The following SNX13 variants were observed in gnomAD, a reference collection of about 807,000 sequenced individuals.
SNX13 encodes sorting nexin-13.
SNX13 carries 45 observed loss-of-function variants against 133.6 expected under a neutral mutation model. The ratio of observed to expected loss-of-function variants is 0.34; its 90% CI spans 0.27 to 0.43. The LOEUF (loss-of-function observed/expected upper bound fraction) is 0.43, where lower values mean the gene tolerates loss of function less well. Ranked by LOEUF, SNX13 falls within the 20% of genes least tolerant of loss-of-function variation. SNX13 has a pLI of 1.00. For synonymous variants in SNX13, 414 were observed against 373.9 expected (o/e 1.11, Z -1.24); for missense variants, 1,032 against 1,145.1 (o/e 0.90, Z 1.43).
At chr7:17,903,592 G>A (rs547471501) in intron 1 of SNX13, among the ~76,000 whole-genome samples, 1 of 152,112 alleles carries the variant, frequency 6.6e-6, no homozygotes, top group Admixed American at 6.5e-5. Flanking sequence ...ACAGTCCAAG[G>A]TCAATTTTGG....
At chr7:17,839,601 T>G (rs1789621684) in intron 13 of SNX13, among the ~76,000 whole-genome samples, 1 of 152,040 alleles carries the variant, frequency 6.6e-6, no homozygotes, top group Non-Finnish European at 1.5e-5. Flanking sequence ...TTCTATCATT[T>G]AGTATTTGCA....
intron 1 of SNX13, among the ~76,000 whole-genome samples, chr7:17,912,340 T>A (rs1449275914): frequency 6.6e-6 from 1 of 151,970 alleles, no homozygotes; most frequent in Non-Finnish European, 1.5e-5. Flanking sequence ...GGGAAAAGGC[T>A]GAGAGACTGA....
At chr7:17,834,890 G>C (rs201145382) in intron 13 of SNX13, 25 bp from the exon 14 acceptor site, 2 of 1,337,836 alleles carry the variant, frequency 1.5e-6, no homozygotes, top group Non-Finnish European at 1.1e-6. Context: ...TAATAGTAAT[G>C]ATCTCTGTAA....
At chr7:17,921,576 C>T (rs939851451) in intron 1 of SNX13, among the ~76,000 whole-genome samples, 10 of 152,310 alleles carry the variant, frequency 6.6e-5, no homozygotes, top group African/African-American at 1.4e-4. Context: ...TGTAGGGTCA[C>T]GATCAAAACC....
chr7:17,937,450 G>C (rs758314585), intron 1 of SNX13, among the ~76,000 whole-genome samples: 3 of 149,446 alleles, frequency 2.0e-5, no homozygotes, highest in Non-Finnish European at 4.4e-5. Flanking sequence ...GAAGGCGGAG[G>C]TTGCAGTGAG....
At chr7:17,907,160 G>A (rs944189150) in intron 1 of SNX13, 2 of 152,130 alleles carry the variant, frequency 1.3e-5, no homozygotes, top group African/African-American at 2.4e-5. Flanking sequence ...AGCAAACAAG[G>A]AGCCAAAGGT....
chr7:17,913,041 C>T (rs1183619844), intron 1 of SNX13, among the ~76,000 whole-genome samples: 1 of 152,150 alleles, frequency 6.6e-6, no homozygotes, highest in African/African-American at 2.4e-5. Context: ...CCCCAGTCTG[C>T]TTTCATGGAC....
At chr7:17,833,617 A>G (rs1046695953) in intron 15 of SNX13, among the ~76,000 whole-genome samples, 2 of 151,834 alleles carry the variant, frequency 1.3e-5, no homozygotes, top group African/African-American at 4.8e-5. Flanking sequence ...ACTGTGTAGA[A>G]TTTGGAAAAG....
intron 1 of SNX13, among the ~76,000 whole-genome samples, chr7:17,916,401 G>A (rs1799570887): frequency 6.6e-6 from 1 of 152,102 alleles, no homozygotes; most frequent in Non-Finnish European, 1.5e-5. Context: ...AAATAAGACT[G>A]ACGGATCATT....
intron 1 of SNX13, among the ~76,000 whole-genome samples, chr7:17,937,927 T>C (rs1802298472): frequency 6.6e-6 from 1 of 152,178 alleles, no homozygotes; most frequent in Non-Finnish European, 1.5e-5. Flanking sequence ...ATGACTAATA[T>C]AAAGACAGGA....
At chr7:17,819,440 T>C (rs999121004) in intron 18 of SNX13, among the ~76,000 whole-genome samples, 2 of 152,116 alleles carry the variant, frequency 1.3e-5, no homozygotes, top group African/African-American at 2.4e-5. Context: ...TTGCCCAGGC[T>C]GGTCTCAAAC....
At chr7:17,873,688 T>C in intron 7 of SNX13, 72 bp from the exon 8 acceptor site, 1 of 923,248 alleles carries the variant, frequency 1.1e-6, no homozygotes, top group Non-Finnish European at 1.5e-6. Context: ...ATATATAAGA[T>C]ACATTTAAAA....
At chr7:17,914,622 C>G (rs1799343340) in intron 1 of SNX13, among the ~76,000 whole-genome samples, 1 of 152,178 alleles carries the variant, frequency 6.6e-6, no homozygotes, top group African/African-American at 2.4e-5. Flanking sequence ...TCATATCCCA[C>G]CAAACTAAGC....
chr7:17,906,621 A>G (rs1402613294), intron 1 of SNX13, among the ~76,000 whole-genome samples: 2 of 152,156 alleles, frequency 1.3e-5, no homozygotes, highest in Non-Finnish European at 2.9e-5. Context: ...GGTTAGAGCA[A>G]GAATCAATGA....
intron 5 of SNX13, among the ~76,000 whole-genome samples, chr7:17,887,217 C>T (rs1007126618): frequency 7.9e-5 from 12 of 152,138 alleles, no homozygotes; most frequent in African/African-American, 2.4e-4. Flanking sequence ...ACAAGAATTA[C>T]TATTACTATT....
chr7:17,866,190 A>T (rs574014174), intron 9 of SNX13, among the ~76,000 whole-genome samples: 1 of 152,286 alleles, frequency 6.6e-6, no homozygotes, highest in Non-Finnish European at 1.5e-5. Flanking sequence ...AATGATCAAC[A>T]AAGGCAAGAG....
At chr7:17,805,049 GACGGA>G (rs2128289661) in intron 20 of SNX13, among the ~76,000 whole-genome samples, 2 of 152,298 alleles carry the variant, frequency 1.3e-5, no homozygotes, top group East Asian at 3.9e-4. Flanking sequence ...AGATATGCTT[GACGGA>G]ACATCCAACC....
intron 17 of SNX13, among the ~76,000 whole-genome samples, chr7:17,824,678 G>T (rs1407811401): frequency 1.3e-5 from 2 of 151,794 alleles, no homozygotes; most frequent in East Asian, 3.9e-4. Context: ...CAGAGCTGGG[G>T]TTTGAGCCCA....
chr7:17,828,193 A>G (rs1466812612), intron 16 of SNX13, among the ~76,000 whole-genome samples: 3 of 151,790 alleles, frequency 2.0e-5, no homozygotes, highest in African/African-American at 4.8e-5. Flanking sequence ...TTACAGTTAT[A>G]GTGCACGTAA....
Sources: gnomAD v4.1 joint callset for allele counts (sites outside exome capture counted in the v4.1 genomes callset) on GRCh38, gnomAD v4.1.1 for gene constraint, MANE v1.5 for transcripts, NCBI Gene and HGNC (gene_info 2026-07-23, HGNC 2026-07-21) for gene names.